MAP3K9: variants seen among roughly 807,000 people sequenced by gnomAD.
The protein encoded by MAP3K9 is mitogen-activated protein kinase kinase kinase 9, also known as mixed lineage kinase 1 (tyr and ser/thr specificity).
Under a neutral mutation model 95.8 loss-of-function variants are expected in MAP3K9, and 46 were observed. That is an observed-to-expected ratio of 0.48 (90% CI 0.38 to 0.61). The LOEUF (loss-of-function observed/expected upper bound fraction) is 0.61, where lower values mean the gene tolerates loss of function less well. Among genes scored for constraint, MAP3K9 ranks in the 20% least tolerant of loss-of-function variants. The pLI is 0.00. For synonymous variants in MAP3K9, 533 were observed against 593.8 expected, an observed-to-expected ratio of 0.90 and a Z score of 1.49; for missense variants, 1,296 against 1,474.3, an observed-to-expected ratio of 0.88 and a Z score of 1.98.
Position 70,730,655 on chromosome 14 carries a change from G to T in MAP3K9, c.3040C>A (p.His1014Asn). 6.2e-7 allele frequency: 1 copy of T among 1,613,772 alleles called. No individual in the cohort carries two copies. The highest frequency in any genetic ancestry group is 2.2e-5 in the East Asian group (1 of 44,886). Residue 1014 changes from histidine (H) to asparagine (N), a missense_variant, in exon 12 of 12, where the codon CAT becomes AAT. Physicochemically the swap from His to Asn is moderately conservative, Grantham distance 68 (BLOSUM62 1). Around this residue, in one of 5 missense-constraint regions of MAP3K9, gnomAD observed 433 missense variants for 441.4 expected, o/e 0.98. Coordinates refer to ENST00000554752, the MANE Select transcript of MAP3K9 (RefSeq NM_001284230.2). Reference protein sequence around the residue: ...LDPWWFVSPSHARSTSPANSS... With the variant: ...LDPWWFVSPSNARSTSPANSS... ...TTGGCTGGGGAGGTGCTGCGGGCAT[G>T]GCTGGGGGACACAAACCACCAAGGG...
intron 4 of MAP3K9, 86 bp from the exon 5 acceptor site, chr14:70,749,090 C>A: frequency 1.6e-6 from 2 of 1,284,980 alleles, no homozygotes; most frequent in Non-Finnish European, 2.2e-6. Flanking sequence ...CCTCACTTCC[C>A]AGAAAACTAC....
At chr14:70,735,590 G>C (rs919201258) in intron 9 of MAP3K9, among the ~76,000 whole-genome samples, 2 of 152,092 alleles carry the variant, frequency 1.3e-5, no homozygotes, top group African/African-American at 2.4e-5. Context: ...CACAGCCTGG[G>C]GCTTCCTACT....
chr14:70,778,852 T>C (rs2054635263), intron 2 of MAP3K9, among the ~76,000 whole-genome samples: 1 of 152,240 alleles, frequency 6.6e-6, no homozygotes. Context: ...GCTACTCTCA[T>C]GCTCTTGATG....
At chr14:70,794,990 C>CTTTTTTTTTTTTTTTTTTTTTTTT (rs572010694) in intron 2 of MAP3K9, among the ~76,000 whole-genome samples, 3 of 76,818 alleles carry the variant, frequency 3.9e-5, no homozygotes, top group Admixed American at 3.7e-4. Flanking sequence ...TTTTCTTTTC[C>CTTTTTTTTTTTTTTTTTTTTTTTT]TTTTTTTTTT....
intron 2 of MAP3K9, among the ~76,000 whole-genome samples, chr14:70,785,457 A>G (rs1332342202): frequency 6.6e-6 from 1 of 152,244 alleles, no homozygotes; most frequent in Admixed American, 6.5e-5. Flanking sequence ...CAACTATACT[A>G]TAAGAAAAGT....
At chr14:70,765,552 TAC>T in intron 2 of MAP3K9, 1 of 599,752 alleles carries the variant, frequency 1.7e-6, no homozygotes, top group South Asian at 2.0e-5. Flanking sequence ...TACGTATAGA[TAC>T]ATTTAGGTAC....
rs544468734 is a variant in MAP3K9 at position 70,738,411 on chromosome 14, A to T, written c.1691-13T>A. The T allele has an allele frequency of 1.2e-5, 20 of 1,612,658 alleles. 1 individual carries two copies. In the South Asian group the frequency reaches 2.2e-4, roughly 18 times the overall value. On this transcript the variant is annotated splice_polypyrimidine_tract_variant and intron_variant, in intron 7 of 11. Transcript: ENST00000554752. ...TCACCTGGTGTCACTGTGAATCACA[A>T]GGGTTGGATAGGATCTAGAAAATGG...
intron 3 of MAP3K9, among the ~76,000 whole-genome samples, chr14:70,755,299 C>T (rs777016736): frequency 3.4e-4 from 52 of 152,334 alleles, no homozygotes; most frequent in Middle Eastern, 3.4e-3. Context: ...GCCCTAGGCA[C>T]GCACGGTGGG....
chr14:70,776,113 C>T (rs1221305503), intron 2 of MAP3K9, among the ~76,000 whole-genome samples: 2 of 152,094 alleles, frequency 1.3e-5, no homozygotes, highest in Admixed American at 6.5e-5. Flanking sequence ...CGCTTGAACC[C>T]GGGAGGTGGA....
At chr14:70,779,091 C>T (rs1055558425) in intron 2 of MAP3K9, among the ~76,000 whole-genome samples, 1 of 152,198 alleles carries the variant, frequency 6.6e-6, no homozygotes, top group African/African-American at 2.4e-5. Flanking sequence ...GCTGAGGGGC[C>T]TTGACATATC....
intron 3 of MAP3K9, among the ~76,000 whole-genome samples, chr14:70,754,397 G>C (rs2054270561): frequency 6.6e-6 from 1 of 152,040 alleles, no homozygotes; most frequent in African/African-American, 2.4e-5. Flanking sequence ...TCTATAAGTG[G>C]GTTCAGGGTG....
At chr14:70,795,804 GC>G (rs1489677114) in intron 2 of MAP3K9, among the ~76,000 whole-genome samples, 6 of 150,916 alleles carry the variant, frequency 4.0e-5, no homozygotes, top group Admixed American at 3.3e-4. Flanking sequence ...TGTCACCCAG[GC>G]TGGAGTGCAG....
At position 70,789,794 on chromosome 14, in the gene MAP3K9, C is replaced by A. The variant is rs1485724515; in HGVS notation, c.820+10873G>T. On this transcript the variant is annotated intron_variant, in intron 2 of 11. Transcript: ENST00000554752. Reference sequence around the variant, plus strand: ...AGGGAAAGGGACATGCAACCCACAGCTTTTAATATGTCTAATGTATATGTC... The same window carrying A: ...AGGGAAAGGGACATGCAACCCACAGATTTTAATATGTCTAATGTATATGTC... 4.6e-5 allele frequency among the ~76,000 whole-genome samples: 7 copies of A among 152,160 alleles called. No homozygotes were observed. In the East Asian group the frequency reaches 1.3e-3, roughly 29 times the overall value.
At chr14:70,794,402 C>T (rs568096067) in intron 2 of MAP3K9, among the ~76,000 whole-genome samples, 9 of 152,252 alleles carry the variant, frequency 5.9e-5, no homozygotes, top group Admixed American at 2.0e-4. Flanking sequence ...GTGAGCAGAA[C>T]GACGTTATTC....
chr14:70,805,491 C>T (rs575063329), intron 1 of MAP3K9, among the ~76,000 whole-genome samples: 2 of 152,260 alleles, frequency 1.3e-5, no homozygotes, highest in African/African-American at 4.8e-5. Context: ...TACTTGTCAT[C>T]CATAGACAGC....
intron 4 of MAP3K9, 71 bp from the exon 5 acceptor site, chr14:70,749,075 C>A: frequency 7.1e-7 from 1 of 1,404,468 alleles, no homozygotes; most frequent in South Asian, 1.4e-5. Context: ...TAGGCTATTA[C>A]ATGGCCTCAC....
intron 1 of MAP3K9, among the ~76,000 whole-genome samples, chr14:70,806,945 T>C (rs1180819495): frequency 1.3e-5 from 2 of 152,248 alleles, no homozygotes; most frequent in Non-Finnish European, 2.9e-5. Context: ...TATGCCAGGA[T>C]GCTTAGCCTT....
rs536416627 is a variant in MAP3K9 at position 70,725,118 on chromosome 14, A to G, written c.*5262T>C. The G allele has an allele frequency of 1.6e-4, 25 of 152,440 alleles. No individual in the cohort carries two copies. The highest frequency in any genetic ancestry group is 8.5e-4 in the Admixed American group (13 of 15,310). The allele number at this position is 152,440 out of a possible 1,614,324, so 9.4% of individuals were successfully genotyped here. ...CAGCTCCTATAACCAGCTGGGCCCC[A>G]AAGCTCTTCTCTCTATCCAGCTCAA... On this transcript the variant is annotated 3_prime_UTR_variant, in exon 12 of 12. Coordinates refer to ENST00000554752, the MANE Select transcript of MAP3K9 (RefSeq NM_001284230.2).
At chr14:70,750,498 GT>G (rs1327793261) in intron 3 of MAP3K9, among the ~76,000 whole-genome samples, 2 of 152,034 alleles carry the variant, frequency 1.3e-5, no homozygotes, top group Non-Finnish European at 2.9e-5. Flanking sequence ...TTGTTTGTTT[GT>G]TTTGGGATGG....
Sources: gnomAD v4.1 joint callset for allele counts (sites outside exome capture counted in the v4.1 genomes callset) on GRCh38, gnomAD v4.1.1 for gene constraint, gnomAD v4.1.1 regional missense constraint, MANE v1.5 for transcripts, NCBI Gene and HGNC (gene_info 2026-07-23, HGNC 2026-07-21) for gene names.